POFUT4: variants seen among roughly 807,000 people sequenced by gnomAD.
POFUT4 encodes the protein GDP-fucose protein O-fucosyltransferase 4.
chr10:73,777,331 G>GA, the POFUT4 span, among the ~76,000 whole-genome samples: 38 of 151,302 alleles, frequency 2.5e-4, no homozygotes, highest in African/African-American at 9.2e-4. Flanking sequence ...AAAAATCCAG[G>GA]AAAAAAAGTG....
the POFUT4 span, among the ~76,000 whole-genome samples, chr10:73,778,639 G>C: frequency 6.6e-6 from 1 of 152,086 alleles, no homozygotes; most frequent in South Asian, 2.1e-4. Context: ...TATATAGATA[G>C]ATATATGTTA....
the POFUT4 span, among the ~76,000 whole-genome samples, chr10:73,777,875 T>C: frequency 6.9e-6 from 1 of 145,802 alleles, no homozygotes; most frequent in African/African-American, 2.6e-5. Flanking sequence ...TTTTTTTTTT[T>C]TTGAGGCAGA....
chr10:73,773,814 A>G, the POFUT4 span: 2 of 1,565,660 alleles, frequency 1.3e-6, no homozygotes, highest in South Asian at 2.4e-5. Flanking sequence ...TGAGAATGAC[A>G]GGTAAGAGTG....
chr10:73,778,391 CAAAAA>C, the POFUT4 span, among the ~76,000 whole-genome samples: 2 of 43,066 alleles, frequency 4.6e-5, no homozygotes, highest in South Asian at 7.6e-4. Flanking sequence ...AACTCCATCC[CAAAAA>C]AAAAAAAAAA....
chr10:73,775,510 C>T, the POFUT4 span: 1 of 1,614,242 alleles, frequency 6.2e-7, no homozygotes, highest in Non-Finnish European at 8.5e-7. Flanking sequence ...TGCTGCAGTT[C>T]CATAATCCAA....
chr10:73,773,382 G>A, the POFUT4 span: 2 of 1,614,214 alleles, frequency 1.2e-6, no homozygotes, highest in African/African-American at 2.7e-5. Context: ...GCACCTGGGC[G>A]CTGTGCCCGT....
chr10:73,775,099 T>C, the POFUT4 span: 2 of 296,560 alleles, frequency 6.7e-6, no homozygotes, highest in Middle Eastern at 9.7e-4. Flanking sequence ...AGAAAATAAA[T>C]ATTCAGGTTA....
At chr10:73,777,699 C>T in the POFUT4 span, among the ~76,000 whole-genome samples, 185 of 152,010 alleles carry the variant, frequency 1.2e-3, 2 homozygotes, top group East Asian at 5.8e-4. Context: ...GGATTACAGG[C>T]GCCCGTCACC....
the POFUT4 span, among the ~76,000 whole-genome samples, chr10:73,777,400 T>C: frequency 6.6e-6 from 1 of 152,172 alleles, no homozygotes; most frequent in Non-Finnish European, 1.5e-5. Flanking sequence ...CTCTATTTTA[T>C]TGTTTTTATA....
At chr10:73,780,243 C>G in the POFUT4 span, 2 of 152,122 alleles carry the variant, frequency 1.3e-5, no homozygotes, top group Non-Finnish European at 2.9e-5. Context: ...TAAACTGCTT[C>G]TTGTTAAACA....
chr10:73,780,014 AC>A, the POFUT4 span: 2 of 152,250 alleles, frequency 1.3e-5, no homozygotes, highest in African/African-American at 4.8e-5. Flanking sequence ...CATGATACTT[AC>A]CGAAAGCTTC....
chr10:73,779,689 T>C, the POFUT4 span: 1 of 152,116 alleles, frequency 6.6e-6, no homozygotes, highest in Non-Finnish European at 1.5e-5. Flanking sequence ...TGCATAATTA[T>C]TACACAAGTA....
chr10:73,776,921 C>T, the POFUT4 span, among the ~76,000 whole-genome samples: 10 of 152,270 alleles, frequency 6.6e-5, no homozygotes, highest in South Asian at 1.0e-3. Flanking sequence ...CTTCGTGATC[C>T]GCCCGCCTTG....
the POFUT4 span, among the ~76,000 whole-genome samples, chr10:73,778,434 C>T: frequency 6.8e-6 from 1 of 147,360 alleles, no homozygotes; most frequent in Non-Finnish European, 1.5e-5. Context: ...TTTGGGGATG[C>T]AGCCAAACCC....
the POFUT4 span, chr10:73,772,723 G>T: frequency 6.3e-6 from 10 of 1,590,510 alleles, no homozygotes; most frequent in African/African-American, 6.8e-5. Flanking sequence ...TCCGCGCGTC[G>T]GCCGCCCCGC....
the POFUT4 span, chr10:73,775,670 G>A: frequency 6.2e-7 from 1 of 1,614,222 alleles, no homozygotes; most frequent in Non-Finnish European, 8.5e-7. Context: ...TCTTCATGAA[G>A]AGGCAACATC....
the POFUT4 span, chr10:73,773,030 C>T: frequency 2.5e-6 from 4 of 1,573,434 alleles, no homozygotes; most frequent in South Asian, 4.6e-5. Context: ...CGAGCTCATG[C>T]GCCACATCCC....
the POFUT4 span, chr10:73,772,317 CG>C: frequency 7.0e-7 from 1 of 1,424,948 alleles, no homozygotes; most frequent in African/African-American, 1.5e-5. Context: ...GAGGGGGCGC[CG>C]GCTGCCGGAG....
At chr10:73,776,895 A>G in the POFUT4 span, among the ~76,000 whole-genome samples, 7 of 152,238 alleles carry the variant, frequency 4.6e-5, no homozygotes, top group South Asian at 2.1e-4. Context: ...TGGCAAGGAT[A>G]GTCTCGATTT....
Sources: allele counts gnomAD v4.1 joint callset (sites outside exome capture counted in the v4.1 genomes callset), GRCh38; gene constraint gnomAD v4.1.1; transcripts MANE v1.5; gene names NCBI Gene and HGNC (gene_info 2026-07-23, HGNC 2026-07-21).